Variants in TCF20 observed in about 807,000 individuals in gnomAD.
The protein encoded by TCF20 is transcription factor 20.
Under a neutral mutation model 148.6 loss-of-function variants are expected in TCF20, and 3 were observed. The ratio of observed to expected loss-of-function variants is 0.02; its 90% CI spans 0.01 to 0.05. The LOEUF (loss-of-function observed/expected upper bound fraction) is 0.05. Among genes scored for constraint, TCF20 ranks in the 10% least tolerant of loss-of-function variants. The pLI, the probability that TCF20 is intolerant of heterozygous loss-of-function variation, is 1.00. For synonymous variants in TCF20, 1,049 were observed against 909.5 expected (o/e 1.15, Z -2.76); for missense variants, 2,350 against 2,429.3 (o/e 0.97, Z 0.69).
intron 1 of TCF20, among the ~76,000 whole-genome samples, chr22:42,280,332 C>T (rs1926874410): frequency 1.3e-5 from 2 of 152,200 alleles, no homozygotes; most frequent in African/African-American, 2.4e-5. Flanking sequence ...GACTCCGCCA[C>T]GTATGAGGGG....
At chr22:42,217,716 C>G (rs546600850) in intron 1 of TCF20, among the ~76,000 whole-genome samples, 27 of 152,116 alleles carry the variant, frequency 1.8e-4, no homozygotes, top group Admixed American at 3.3e-4. Context: ...AAAAGCAGAG[C>G]TGGAGGATGC....
At position 42,326,738 on chromosome 22, in the gene TCF20, T is replaced by A. The variant is rs1488777766; in HGVS notation, c.-37+16741A>T. 1.3e-5 allele frequency among the ~76,000 whole-genome samples: 2 copies of A among 152,232 alleles called. 1 individual carries two copies. The highest frequency in any genetic ancestry group is 4.1e-4 in the South Asian group (2 of 4,834). ...CTGTAGTCTGGACAGAACCTTTACA[T>A]TGGCAAAGAGCTGCCATGTCCCCTC... On this transcript the variant is annotated intron_variant, in intron 1 of 1. Transcript: ENST00000515426.
At chr22:42,231,927 T>TAAAAAAA (rs1569169793) in intron 1 of TCF20, among the ~76,000 whole-genome samples, 1 of 16,980 alleles carries the variant, frequency 5.9e-5, no homozygotes, top group Non-Finnish European at 1.4e-4. Flanking sequence ...AGACTCCGTC[T>TAAAAAAA]CAAAAAAAAA....
chr22:42,288,428 C>T (rs528933088), upstream of TCF20, among the ~76,000 whole-genome samples: 5 of 150,380 alleles, frequency 3.3e-5, no homozygotes, highest in South Asian at 8.5e-4. Flanking sequence ...CCCAGCTACT[C>T]GGGAGGCTGA....
rs1927254183 is a variant in TCF20 at position 42,297,313 on chromosome 22, A to G, written c.-37+46166T>C. Among the ~76,000 whole-genome samples the G allele has an allele frequency of 6.6e-6, 1 of 152,238 alleles. No individual in the cohort carries two copies. Among genetic ancestry groups the G allele is most frequent in the Non-Finnish European group, 1.5e-5 (1 of 68,036 alleles). On this transcript the variant is annotated intron_variant, in intron 1 of 1. Transcript: ENST00000515426. The surrounding 1 kb of genome is among the most constrained non-coding windows in gnomAD (Gnocchi z 4.3). ...CCTGTCCCCTGCCAGGCCTGAGCAG[A>G]GGTCAGACTCCCTAGCTGGCTTAAG...
intron 1 of TCF20, among the ~76,000 whole-genome samples, chr22:42,302,207 A>C (rs956848141): frequency 1.3e-5 from 2 of 152,062 alleles, no homozygotes; most frequent in African/African-American, 4.8e-5. Context: ...CCTTCTCCAG[A>C]TGGGGAAACT....
At chr22:42,298,526 C>T (rs967351876) in intron 1 of TCF20, among the ~76,000 whole-genome samples, 1 of 152,344 alleles carries the variant, frequency 6.6e-6, no homozygotes, top group East Asian at 1.9e-4. Flanking sequence ...CTGCCCAGAA[C>T]CCCGAAGCAG....
chr22:42,252,423 T>A (rs1397975516), intron 1 of TCF20, among the ~76,000 whole-genome samples: 1 of 152,108 alleles, frequency 6.6e-6, no homozygotes, highest in East Asian at 1.9e-4. Context: ...TATAAAATAT[T>A]CTTAAAAATC....
Position 42,212,606 on chromosome 22 carries a change from G to A in TCF20, c.2700C>T (p.Leu900=). 1 of 1,614,156 alleles carries A rather than the reference G, an allele frequency of 6.2e-7. No individual in the cohort carries two copies. The highest frequency in any genetic ancestry group is 8.5e-7 in the Non-Finnish European group (1 of 1,179,998). Residue 900 remains leucine (L), a synonymous_variant, in exon 2 of 6, where the codon CTC becomes CTT. Coordinates refer to ENST00000677622, the MANE Select transcript of TCF20 (RefSeq NM_001378418.1). ...TGACCGACTGACTTAAAGTTGGATTGAGACGGTCATTCCTCCCAATTCTGG... is the reference window on the plus strand; with the variant it reads ...TGACCGACTGACTTAAAGTTGGATTAAGACGGTCATTCCTCCCAATTCTGG... ...ADTRIGRNDR[L]NPTLSQSVIL...
At chr22:42,264,117 G>C (rs1054159667) in intron 1 of TCF20, among the ~76,000 whole-genome samples, 1 of 152,012 alleles carries the variant, frequency 6.6e-6, no homozygotes, top group African/African-American at 2.4e-5. Context: ...GGTTAACAAA[G>C]CCTTTCTGAT....
chr22:42,319,762 G>A (rs984860622), intron 1 of TCF20, among the ~76,000 whole-genome samples: 7 of 152,134 alleles, frequency 4.6e-5, no homozygotes, highest in African/African-American at 1.4e-4. Flanking sequence ...ACCCTGCAGC[G>A]GCCTGGATGA....
intron 1 of TCF20, among the ~76,000 whole-genome samples, chr22:42,308,257 C>G (rs1473750289): frequency 6.6e-6 from 1 of 152,094 alleles, no homozygotes; most frequent in Non-Finnish European, 1.5e-5. Context: ...CCCTCAACCC[C>G]TTGGACGTGA....
intron 1 of TCF20, among the ~76,000 whole-genome samples, chr22:42,328,329 CCT>C (rs1285536240): frequency 6.6e-6 from 1 of 152,194 alleles, no homozygotes; most frequent in African/African-American, 2.4e-5. Context: ...TGTGGGCTCC[CCT>C]GAGGCAAGAC....
At chr22:42,284,185 C>T (rs1317619450), upstream of TCF20, among the ~76,000 whole-genome samples, 6 of 150,942 alleles carry the variant, frequency 4.0e-5, no homozygotes, top group Non-Finnish European at 5.9e-5. Flanking sequence ...GCGGAGAGCG[C>T]GTGCCAGCGT....
chr22:42,199,618 CCGA>C (rs1232283774), intron 2 of TCF20, among the ~76,000 whole-genome samples: 1 of 147,978 alleles, frequency 6.8e-6, no homozygotes, highest in Non-Finnish European at 1.5e-5. Context: ...GCCTGTAATC[CCGA>C]CACTTTGGGA....
rs1555942526 is a variant in TCF20, at chr22:42,242,218, A to AAAAAAAAAAAAC, written c.-36-26878_-36-26877insGTTTTTTTTTTT. Among the ~76,000 whole-genome samples, 289 of 142,578 alleles carry AAAAAAAAAAAAC rather than the reference A, an allele frequency of 2.0e-3. 8 individuals are homozygous for AAAAAAAAAAAAC. The highest frequency in any genetic ancestry group is 3.6e-3 in the Middle Eastern group (1 of 276). The allele number at this position is 142,578 out of a possible 152,430, so 93.5% of individuals were successfully genotyped here. On this transcript the variant is annotated intron_variant, in intron 1 of 5. Coordinates refer to ENST00000677622, the MANE Select transcript of TCF20 (RefSeq NM_001378418.1). ...ACTTCGCCTCAAAAAAAAAAAAAAA[A>AAAAAAAAAAAAC]AAAAAAAAACAGAAAAGAAAGGGTG... is the stretch of plus-strand genomic sequence containing the variant.
chr22:42,272,113 T>TTGGAGCCAGC (rs1926643381), upstream of TCF20, among the ~76,000 whole-genome samples: 3 of 152,156 alleles, frequency 2.0e-5, no homozygotes, highest in Non-Finnish European at 4.4e-5. Flanking sequence ...GGGACTTGAT[T>TTGGAGCCAGC]CCCCAACACC....
intron 1 of TCF20, among the ~76,000 whole-genome samples, chr22:42,219,031 C>G (rs1922080534): frequency 6.6e-6 from 1 of 151,942 alleles, no homozygotes. Flanking sequence ...GCCAAGTAAA[C>G]CAATTAAGAA....
At chr22:42,320,155 T>G (rs1413193199) in intron 1 of TCF20, among the ~76,000 whole-genome samples, 1 of 152,156 alleles carries the variant, frequency 6.6e-6, no homozygotes, top group Non-Finnish European at 1.5e-5. Flanking sequence ...CCCTGCTCAC[T>G]CTGCTCCAGT....
Sources: gnomAD v4.1 joint callset for allele counts (sites outside exome capture counted in the v4.1 genomes callset) on GRCh38, gnomAD v4.1.1 for gene constraint, Gnocchi (gnomAD v3.1) non-coding constraint, MANE v1.5 for transcripts, NCBI Gene and HGNC (gene_info 2026-07-23, HGNC 2026-07-21) for gene names.